TFCP2: variants seen among roughly 807,000 people sequenced by gnomAD.
TFCP2 encodes the protein transcription factor CP2, also known as alpha-globin transcription factor CP2.
In TFCP2, 33 loss-of-function variants were observed where a neutral mutation model predicts 73.4. That is an observed-to-expected ratio of 0.45 (90% confidence interval 0.34 to 0.60). The LOEUF is 0.60. Among genes scored for constraint, TFCP2 ranks in the 20% least tolerant of loss-of-function variants. The pLI is 0.01. For missense variants in TFCP2, 352 were observed against 604.0 expected (o/e 0.58, Z 4.37); for synonymous variants, 193 against 211.6 (o/e 0.91, Z 0.76).
In TFCP2 at chr12:51,111,003, T is replaced by C. The variant is rs376659071; in HGVS notation, c.458-20A>G. The C allele has an allele frequency of 1.5e-5, 23 of 1,557,374 alleles. No homozygotes were observed. Among genetic ancestry groups the C allele is most frequent in the East Asian group, 2.2e-5 (1 of 44,604 alleles). ...GGATATCTGAGAAACAAAATGGTAATCATTGAACAATTTTGAGGGCCACTC... is the reference window on the plus strand; with the variant it reads ...GGATATCTGAGAAACAAAATGGTAACCATTGAACAATTTTGAGGGCCACTC... On this transcript the variant is annotated intron_variant, in intron 4 of 14. Transcript: ENST00000257915.
intron 1 of TFCP2, chr12:51,125,320 C>A: frequency 1.9e-6 from 1 of 527,512 alleles, no homozygotes; most frequent in South Asian, 1.5e-5. Flanking sequence ...GCCCAACATC[C>A]ACATTATATA....
Position 51,172,739 on chromosome 12 carries a change from G to A in TFCP2, c.-317C>T, listed in dbSNP as rs1177789257. 1.7e-5 allele frequency: 4 copies of A among 235,960 alleles called. No homozygotes were observed. Among genetic ancestry groups the A allele is most frequent in the Non-Finnish European group, 3.4e-5 (4 of 117,452 alleles). 14.6% of individuals were successfully genotyped at this position (235,960 alleles called of 1,614,324 possible). ...ACTCCCGCACTCCCACTCCTCTTGA[G>A]AGTTCGTAGTGGTGGCTTGCTGCTT... On this transcript the variant is annotated 5_prime_UTR_variant, in exon 1 of 15. Coordinates refer to ENST00000257915, the MANE Select transcript of TFCP2 (RefSeq NM_005653.5).
At chr12:51,097,322 C>T (rs538201973) in intron 13 of TFCP2, among the ~76,000 whole-genome samples, 4 of 152,060 alleles carry the variant, frequency 2.6e-5, no homozygotes, top group African/African-American at 9.6e-5. Context: ...AATCTTGGCT[C>T]ACCGCAACCT....
intron 1 of TFCP2, among the ~76,000 whole-genome samples, chr12:51,171,654 AGGCGTGAGCCACCGCACCCGGCC>A (rs2137056771): frequency 6.6e-6 from 1 of 152,356 alleles, no homozygotes; most frequent in South Asian, 2.1e-4. Flanking sequence ...CTGGGATTAC[AGGCGTGAGCCACCGCACCCGGCC>A]GAAAGGAGAT....
intron 1 of TFCP2, 50 bp from the exon 2 acceptor site, chr12:51,118,822 C>T: frequency 6.3e-7 from 1 of 1,595,958 alleles, no homozygotes; most frequent in Non-Finnish European, 8.6e-7. Context: ...GGTGCAAACG[C>T]AGGTTTATTG....
intron 1 of TFCP2, among the ~76,000 whole-genome samples, chr12:51,171,417 G>T (rs1417668583): frequency 3.9e-5 from 6 of 152,142 alleles, no homozygotes; most frequent in African/African-American, 1.4e-4. Context: ...TCACTTTGTT[G>T]CCCAGGCTGG....
At chr12:51,140,477 G>A (rs1242807992) in intron 1 of TFCP2, among the ~76,000 whole-genome samples, 1 of 132,406 alleles carries the variant, frequency 7.6e-6, no homozygotes, top group African/African-American at 2.9e-5. Flanking sequence ...GTAGAGGTGG[G>A]GTCTCAAAAT....
In TFCP2 at chr12:51,105,622, T is replaced by C. The variant is rs1288768178; in HGVS notation, c.917+903A>G. 2.6e-5 allele frequency among the ~76,000 whole-genome samples: 4 copies of C among 152,374 alleles called. No homozygotes were observed. In the South Asian group the frequency reaches 8.3e-4, roughly 32 times the overall value. ...TTAAAAAAAGATCTTTTTCCTTTTT[T>C]AGCCTTAGCTGCAAAATTCAAATTT... On this transcript the variant is annotated intron_variant, in intron 8 of 14. Transcript: ENST00000257915.
intron 1 of TFCP2, among the ~76,000 whole-genome samples, chr12:51,128,050 G>A (rs745488195): frequency 3.3e-5 from 5 of 151,968 alleles, no homozygotes; most frequent in Non-Finnish European, 7.4e-5. Flanking sequence ...CTCCTGAGTA[G>A]CTGGGATTAC....
intron 1 of TFCP2, among the ~76,000 whole-genome samples, chr12:51,157,302 G>A (rs555011687): frequency 1.3e-4 from 19 of 151,980 alleles, no homozygotes; most frequent in South Asian, 6.3e-4. Context: ...GATTACAGGC[G>A]TGAGACACTG....
intron 4 of TFCP2, 105 bp downstream of exon 4, chr12:51,116,210 T>C (rs1011996840): frequency 1.6e-5 from 8 of 495,600 alleles, no homozygotes; most frequent in African/African-American, 5.8e-5. Flanking sequence ...TTTATACTAA[T>C]TGAGCCTCTC....
chr12:51,093,821 T>A lies in TFCP2; in HGVS notation c.*1420A>T, dbSNP rs775318658. ...CTGTATAAAAAACATTTAAACCTTA[T>A]CAAATGCTTTAAACACACACACACA... On this transcript the variant is annotated 3_prime_UTR_variant, in exon 15 of 15. Coordinates refer to ENST00000257915, the MANE Select transcript of TFCP2 (RefSeq NM_005653.5). 1.9e-4 allele frequency: 25 copies of A among 129,712 alleles called. No homozygotes were observed. Among genetic ancestry groups the A allele is most frequent in the Non-Finnish European group, 3.3e-5 (2 of 60,656 alleles). 8.0% of individuals were successfully genotyped at this position (129,712 alleles called of 1,614,324 possible).
In TFCP2 at chr12:51,109,286, C is replaced by T. The variant is rs1940335160; in HGVS notation, c.565-13G>A. 4 of 1,613,776 alleles carry T rather than the reference C, an allele frequency of 2.5e-6. No homozygotes were observed. Among genetic ancestry groups the T allele is most frequent in the African/African-American group, 1.3e-5 (1 of 74,918 alleles). On this transcript the variant is annotated splice_polypyrimidine_tract_variant and intron_variant, in intron 5 of 14. Transcript: ENST00000257915. ...TAATACAGTGCACCTGAAAAGAATA[C>T]AACAGCAAGGCTTCAGTACCGCTAG...
intron 13 of TFCP2, among the ~76,000 whole-genome samples, chr12:51,097,766 C>A (rs1592785566): frequency 6.6e-6 from 1 of 151,900 alleles, no homozygotes; most frequent in African/African-American, 2.4e-5. Flanking sequence ...TCTGTAATCC[C>A]AGCACTTCGG....
At chr12:51,130,984 T>C (rs1343476199) in intron 1 of TFCP2, among the ~76,000 whole-genome samples, 1 of 148,358 alleles carries the variant, frequency 6.7e-6, no homozygotes, top group Non-Finnish European at 1.5e-5. Context: ...TGAGACTCCA[T>C]CTCAAAAAAA....
At chr12:51,125,257 C>A (rs1415450390) in intron 1 of TFCP2, 1 of 583,686 alleles carries the variant, frequency 1.7e-6, no homozygotes. Flanking sequence ...GAGTCCCCTA[C>A]CACAATGTCC....
chr12:51,095,857 A>G (rs1939953326), intron 14 of TFCP2, 132 bp downstream of exon 14: 1 of 564,692 alleles, frequency 1.8e-6, no homozygotes, highest in Non-Finnish European at 2.9e-6. Context: ...AAAAGGAACA[A>G]TCTCTAATAT....
chr12:51,149,687 C>T (rs1285498574), intron 1 of TFCP2, among the ~76,000 whole-genome samples: 2 of 152,048 alleles, frequency 1.3e-5, no homozygotes, highest in African/African-American at 4.8e-5. Flanking sequence ...GCAATCTCTG[C>T]CTCCCAGGTT....
At chr12:51,109,788 G>A (rs144337229) in intron 5 of TFCP2, among the ~76,000 whole-genome samples, 1,984 of 149,846 alleles carry the variant, frequency 0.013, 17 homozygotes, top group Non-Finnish European at 0.02. Context: ...GCACAATCTC[G>A]GCTCACCGCA....
Sources: allele counts gnomAD v4.1 joint callset (sites outside exome capture counted in the v4.1 genomes callset), GRCh38; gene constraint gnomAD v4.1.1; transcripts MANE v1.5; gene names NCBI Gene and HGNC (gene_info 2026-07-23, HGNC 2026-07-21).